FAM184A: variants seen among roughly 807,000 people sequenced by gnomAD.
FAM184A encodes family with sequence similarity 184 member A, also known as protein FAM184A.
FAM184A carries 99 observed loss-of-function variants against 143.8 expected under a neutral mutation model. That is an observed-to-expected ratio of 0.69 (90% CI 0.58 to 0.81). The LOEUF (loss-of-function observed/expected upper bound fraction) is 0.81. Ranked by LOEUF, FAM184A falls within the 40% of genes least tolerant of loss-of-function variation. The pLI is 0.00. For missense variants in FAM184A, 1,217 were observed against 1,310.5 expected, an observed-to-expected ratio of 0.93 and a Z score of 1.10; for synonymous variants, 427 against 446.4, an observed-to-expected ratio of 0.96 and a Z score of 0.55.
chr6:119,094,253 A>ACTGTGTAG (rs1788449179), intron 1 of FAM184A, among the ~76,000 whole-genome samples: 1 of 152,008 alleles, frequency 6.6e-6, no homozygotes. Flanking sequence ...CCGTTTTGCT[A>ACTGTGTAG]CACAGTCCCT....
Position 119,123,623 on chromosome 6 carries a change from C to T in FAM184A, c.-202+25455G>A, listed in dbSNP as rs148425394. Among the ~76,000 whole-genome samples, 638 of 152,248 alleles carry T rather than the reference C, an allele frequency of 4.2e-3. 1 individual carries two copies. The highest frequency in any genetic ancestry group is 0.015 in the African/African-American group (613 of 41,544). Reference sequence around the variant, plus strand: ...CAAGGAAGGGAGTCTGACCCCGGCTCCCATCAGGGCCGAGAACTCTGTTTT... The same window carrying T: ...CAAGGAAGGGAGTCTGACCCCGGCTTCCATCAGGGCCGAGAACTCTGTTTT... On this transcript the variant is annotated intron_variant, in intron 1 of 16. Transcript: ENST00000352896.
At chr6:119,050,167 T>C (rs1786695072) in intron 1 of FAM184A, among the ~76,000 whole-genome samples, 4 of 151,998 alleles carry the variant, frequency 2.6e-5, no homozygotes, top group Admixed American at 2.6e-4. Context: ...TATTAAAAAG[T>C]CAAAAAACAA....
In FAM184A at chr6:118,989,106, C is replaced by T. The variant is rs985787964; in HGVS notation, c.2089-8756G>A. Among the ~76,000 whole-genome samples the T allele has an allele frequency of 4.6e-5, 7 of 151,946 alleles. No individual in the cohort carries two copies. The South Asian group carries it at 6.2e-4, about 13-fold the overall frequency. ...CCTCCCAAGTAGCTGGGACTACAGG[C>T]GCCTGCCACTGCGCCCGGCTAATTT... is the stretch of plus-strand genomic sequence containing the variant. On this transcript the variant is annotated intron_variant, in intron 9 of 17. Coordinates refer to ENST00000338891, the MANE Select transcript of FAM184A (RefSeq NM_024581.6).
intron 17 of FAM184A, chr6:118,960,795 G>T: frequency 1.5e-6 from 2 of 1,365,216 alleles, no homozygotes; most frequent in African/African-American, 3.0e-5. Flanking sequence ...TACAAGGCAC[G>T]CAACAATGTG....
chr6:119,073,802 G>C (rs191093990), intron 1 of FAM184A, among the ~76,000 whole-genome samples: 1 of 152,194 alleles, frequency 6.6e-6, no homozygotes, highest in Non-Finnish European at 1.5e-5. Context: ...GCATGAAGAG[G>C]CATGTGAGAA....
chr6:119,002,238 A>G (rs1784784149), intron 9 of FAM184A, among the ~76,000 whole-genome samples: 1 of 152,190 alleles, frequency 6.6e-6, no homozygotes, highest in South Asian at 2.1e-4. Context: ...CTTGCTTATC[A>G]ACTGGTGATT....
chr6:119,106,532 A>T (rs189183658), intron 1 of FAM184A, among the ~76,000 whole-genome samples: 3 of 152,392 alleles, frequency 2.0e-5, no homozygotes, highest in East Asian at 3.9e-4. Context: ...TTGAAAAGTA[A>T]GCCAACTACT....
At chr6:119,028,379 G>A (rs1785744336) in intron 1 of FAM184A, among the ~76,000 whole-genome samples, 1 of 152,180 alleles carries the variant, frequency 6.6e-6, no homozygotes, top group Non-Finnish European at 1.5e-5. Context: ...AAGGCCTCAG[G>A]ATTGGGGCTG....
intron 4 of FAM184A, among the ~76,000 whole-genome samples, chr6:119,018,801 G>T (rs1785350093): frequency 6.6e-6 from 1 of 151,994 alleles, no homozygotes; most frequent in African/African-American, 2.4e-5. Flanking sequence ...AATATATTAA[G>T]GAAGTAGAAC....
At position 119,019,964 on chromosome 6, in the gene FAM184A, C is replaced by A. The variant is rs374070285; in HGVS notation, c.1332+14G>T. The stretch of plus-strand genomic sequence containing the variant: ...AACTCTTTCGGGGGGAATGGAGTGT[C>A]CATTACTTTTTACCTTCTCCAGTTC... On this transcript the variant is annotated intron_variant, in intron 4 of 17. Transcript: ENST00000338891. 44 of 1,534,582 alleles carry A rather than the reference C, an allele frequency of 2.9e-5. No individual in the cohort carries two copies. Among genetic ancestry groups the A allele is most frequent in the Non-Finnish European group, 3.8e-5 (43 of 1,145,968 alleles).
chr6:118,970,551 C>A (rs1488434059), intron 14 of FAM184A, among the ~76,000 whole-genome samples: 2 of 151,894 alleles, frequency 1.3e-5, no homozygotes, highest in Non-Finnish European at 2.9e-5. Context: ...TAAAATAAGT[C>A]AATTAAAAAT....
At chr6:119,022,017 C>T (rs1785461659) in intron 3 of FAM184A, among the ~76,000 whole-genome samples, 2 of 149,068 alleles carry the variant, frequency 1.3e-5, no homozygotes, top group African/African-American at 4.9e-5. Flanking sequence ...TAAAGGACAA[C>T]ACCTCTTGAA....
intron 2 of FAM184A, among the ~76,000 whole-genome samples, chr6:119,023,557 C>G (rs1001046921): frequency 8.8e-6 from 1 of 113,856 alleles, no homozygotes; most frequent in Non-Finnish European, 1.8e-5. Context: ...TATTGTCCGC[C>G]CCCCCCCCCA....
intron 14 of FAM184A, among the ~76,000 whole-genome samples, chr6:118,972,990 A>G (rs1330896900): frequency 6.6e-6 from 1 of 152,202 alleles, no homozygotes; most frequent in African/African-American, 2.4e-5. Flanking sequence ...AATAACAGCA[A>G]ACACCAAACT....
intron 1 of FAM184A, among the ~76,000 whole-genome samples, chr6:119,146,397 CGTGTGTGT>C (rs60937351): frequency 0.053 from 7,285 of 136,352 alleles, 216 homozygotes; most frequent in Non-Finnish European, 0.064. Flanking sequence ...GATTAACTTA[CGTGTGTGT>C]GTGTGTGTGT....
rs557712157 is a variant in FAM184A, at chr6:119,055,389, T to C, written c.159+22752A>G. ...TATAAGTTTTTGTGTGGATGTATGT[T>C]TTTAATTTCCTTGGATATATACCTA... is the stretch of plus-strand genomic sequence containing the variant. On this transcript the variant is annotated intron_variant, in intron 1 of 17. Coordinates refer to ENST00000338891, the MANE Select transcript of FAM184A (RefSeq NM_024581.6). 9.2e-5 allele frequency among the ~76,000 whole-genome samples: 14 copies of C among 152,328 alleles called. No homozygotes were observed. The South Asian group carries it at 2.5e-3, about 27-fold the overall frequency.
chr6:119,007,941 GA>G (rs556042292), intron 6 of FAM184A, among the ~76,000 whole-genome samples: 2,151 of 121,978 alleles, frequency 0.018, 44 homozygotes, highest in African/African-American at 0.06. Flanking sequence ...TCTGCCTCAA[GA>G]AAAAAAAAAA....
At chr6:119,077,109 T>C (rs938566216) in intron 1 of FAM184A, among the ~76,000 whole-genome samples, 1 of 152,198 alleles carries the variant, frequency 6.6e-6, no homozygotes, top group Non-Finnish European at 1.5e-5. Context: ...TTTTCACTCC[T>C]ATTTCCTCCT....
At chr6:119,041,930 T>C (rs1786350201) in intron 1 of FAM184A, among the ~76,000 whole-genome samples, 1 of 152,126 alleles carries the variant, frequency 6.6e-6, no homozygotes. Context: ...ATTCCATTCC[T>C]TGGAATCCGT....
Sources: allele counts gnomAD v4.1 joint callset (sites outside exome capture counted in the v4.1 genomes callset), GRCh38; gene constraint gnomAD v4.1.1; transcripts MANE v1.5; gene names NCBI Gene and HGNC (gene_info 2026-07-23, HGNC 2026-07-21).